LLGL2: variants seen among roughly 807,000 people sequenced by gnomAD.
LLGL2 encodes LLGL2, scribble cell polarity complex component.
In LLGL2, 81 loss-of-function variants were observed where a neutral mutation model predicts 123.2. The ratio of observed to expected loss-of-function variants is 0.66; its 90% CI spans 0.55 to 0.79. The LOEUF is 0.79. Ranked by LOEUF, LLGL2 falls within the 30% of genes least tolerant of loss-of-function variation. The pLI is 0.00. For synonymous variants in LLGL2, 577 were observed against 594.1 expected (o/e 0.97, Z 0.42); for missense variants, 1,273 against 1,414.6 (o/e 0.90, Z 1.61).
intron 1 of LLGL2, among the ~76,000 whole-genome samples, chr17:75,531,749 G>A (rs923686756): frequency 6.6e-6 from 1 of 152,190 alleles, no homozygotes; most frequent in South Asian, 2.1e-4. Context: ...CACTGTGCCC[G>A]TGGCCATGGC....
chr17:75,563,248 G>A lies in LLGL2; in HGVS notation c.693+70G>A, dbSNP rs1046831058. 1.9e-6 allele frequency: 3 copies of A among 1,606,024 alleles called. No homozygotes were observed. The African/African-American group carries it at 4.0e-5, about 21-fold the overall frequency. ...GGGCCCCAAGTGGCACATACACACT[G>A]TGCAGAGGCATGGGGTGCAGGCGAT... On this transcript the variant is annotated intron_variant, in intron 7 of 25. Coordinates refer to ENST00000392550, the MANE Select transcript of LLGL2 (RefSeq NM_001031803.2).
intron 2 of LLGL2, among the ~76,000 whole-genome samples, chr17:75,548,833 A>G (rs1490039369): frequency 6.6e-6 from 1 of 151,686 alleles, no homozygotes. Flanking sequence ...TTGGGGTGGT[A>G]TGTCCTGAGT....
chr17:75,542,274 G>A (rs1180384757), intron 1 of LLGL2, among the ~76,000 whole-genome samples: 4 of 151,904 alleles, frequency 2.6e-5, no homozygotes, highest in East Asian at 1.9e-4. Context: ...CTCCCACTTC[G>A]GGCCAGGTGT....
At chr17:75,540,405 C>A (rs1472612004) in intron 1 of LLGL2, among the ~76,000 whole-genome samples, 3 of 152,188 alleles carry the variant, frequency 2.0e-5, no homozygotes, top group Non-Finnish European at 4.4e-5. Context: ...ACCATGCCCA[C>A]CCTGCCTTGG....
At chr17:75,548,271 T>A in intron 2 of LLGL2, among the ~76,000 whole-genome samples, 1 of 122,028 alleles carries the variant, frequency 8.2e-6, no homozygotes, top group Non-Finnish European at 1.8e-5. Context: ...AGGACAATTT[T>A]TTTTTTCCTT....
At position 75,558,394 on chromosome 17, in the gene LLGL2, T is replaced by TG; in HGVS notation, c.256-115dup. The TG allele has an allele frequency of 8.8e-7, 1 of 1,138,854 alleles. No individual in the cohort carries two copies. The highest frequency in any genetic ancestry group is 1.5e-5 in the South Asian group (1 of 67,784). The allele number at this position is 1,138,854 out of a possible 1,614,324, so 70.5% of individuals were successfully genotyped here. On this transcript the variant is annotated intron_variant, in intron 4 of 25. Transcript: ENST00000392550. The surrounding 1 kb of genome is among the most constrained non-coding windows in gnomAD (Gnocchi z 4.0). ...CCTCCCTTTCCACAGCTGGGGCTCA[T>TG]GGGCCACCCTGGGAGTGGCCAGGGG...
intron 2 of LLGL2, among the ~76,000 whole-genome samples, chr17:75,545,015 A>T (rs1270336386): frequency 6.6e-6 from 1 of 151,922 alleles, no homozygotes; most frequent in Non-Finnish European, 1.5e-5. Context: ...TCCACGGGAG[A>T]TGGAAGGGAA....
chr17:75,566,070 A>T (rs764419820), intron 10 of LLGL2, among the ~76,000 whole-genome samples: 6 of 152,228 alleles, frequency 3.9e-5, no homozygotes, highest in Non-Finnish European at 7.3e-5. Context: ...ATTTGCGCAG[A>T]CACGGAAGCA....
chr17:75,531,716 G>C (rs917868279), intron 1 of LLGL2, among the ~76,000 whole-genome samples: 2 of 152,182 alleles, frequency 1.3e-5, no homozygotes, highest in Admixed American at 1.3e-4. Flanking sequence ...TGGCTCCCTA[G>C]GAATTCCAAG....
intron 17 of LLGL2, 54 bp from the exon 18 acceptor site, chr17:75,571,613 C>T: frequency 7.3e-7 from 1 of 1,376,530 alleles, no homozygotes; most frequent in Non-Finnish European, 1.0e-6. Flanking sequence ...GGTTGCCCAG[C>T]TCCACCCGAC....
At chr17:75,565,841 G>A (rs2055421861) in intron 10 of LLGL2, among the ~76,000 whole-genome samples, 1 of 152,216 alleles carries the variant, frequency 6.6e-6, no homozygotes, top group Non-Finnish European at 1.5e-5. Flanking sequence ...TTGTGACCCA[G>A]CTGTCCTTGG....
Position 75,571,704 on chromosome 17 carries a change from T to C in LLGL2, c.2214T>C (p.Asn738=). The C allele has an allele frequency of 6.2e-7, 1 of 1,609,684 alleles. No individual in the cohort carries two copies. Among genetic ancestry groups the C allele is most frequent in the Admixed American group, 1.7e-5 (1 of 60,020 alleles). ...RHCPSLWAGT[N]GGTIYAFSLR... is the part of the protein sequence containing the mutation. ...GCCCCTCGCTGTGGGCTGGCACCAA[T>C]GGGGGCACCATCTATGCCTTCTCCC... Residue 738 remains asparagine, a synonymous_variant, in exon 18 of 26, where the codon AAT becomes AAC. Transcript: ENST00000392550.
In LLGL2 at chr17:75,572,769, G is replaced by A. The variant is rs375039953; in HGVS notation, c.2461-245G>A. On this transcript the variant is annotated intron_variant, in intron 19 of 25. Transcript: ENST00000392550. ...CCTGAGGCGGAGGTTGCAGTGAGCC[G>A]AGATCACACCACTGTACTCCAGCCT... Among the ~76,000 whole-genome samples the A allele has an allele frequency of 1.1e-4, 16 of 150,622 alleles. No individual in the cohort carries two copies. The East Asian group carries it at 1.6e-3, about 15-fold the overall frequency.
intron 10 of LLGL2, among the ~76,000 whole-genome samples, chr17:75,566,404 G>A (rs577463412): frequency 1.3e-5 from 2 of 152,316 alleles, no homozygotes; most frequent in Admixed American, 6.5e-5. Flanking sequence ...CTTGGGCTGC[G>A]GTGCAGGCCA....
chr17:75,542,628 G>C (rs2054257949), intron 1 of LLGL2: 1 of 152,296 alleles, frequency 6.6e-6, no homozygotes, highest in East Asian at 1.9e-4. Flanking sequence ...ATTGGGAGCA[G>C]ATTCCTCCTG....
intron 2 of LLGL2, among the ~76,000 whole-genome samples, chr17:75,554,121 G>T (rs901607586): frequency 5.3e-5 from 8 of 152,068 alleles, no homozygotes; most frequent in African/African-American, 1.9e-4. Flanking sequence ...GGCCAACATG[G>T]TGAAAGCCCA....
chr17:75,548,431 C>T (rs924584634), intron 2 of LLGL2, among the ~76,000 whole-genome samples: 1 of 151,836 alleles, frequency 6.6e-6, no homozygotes, highest in Non-Finnish European at 1.5e-5. Flanking sequence ...GCATGTGCCA[C>T]CACGCCCGGC....
At chr17:75,569,928 T>C in intron 14 of LLGL2, 35 bp from the exon 15 acceptor site, 2 of 1,549,658 alleles carry the variant, frequency 1.3e-6, no homozygotes, top group South Asian at 2.5e-5. Context: ...GTCCCTTTGC[T>C]GAGGGCTTGC....
chr17:75,540,341 G>A (rs903956059), intron 1 of LLGL2, among the ~76,000 whole-genome samples: 14 of 152,202 alleles, frequency 9.2e-5, no homozygotes, highest in Admixed American at 2.6e-4. Context: ...TCAAGGAAGC[G>A]TGGTGCTTTT....
Sources: allele counts gnomAD v4.1 joint callset (sites outside exome capture counted in the v4.1 genomes callset), GRCh38; gene constraint gnomAD v4.1.1; non-coding constraint Gnocchi (gnomAD v3.1); transcripts MANE v1.5; gene names NCBI Gene and HGNC (gene_info 2026-07-23, HGNC 2026-07-21).